CAMTA1: variants seen among roughly 807,000 people sequenced by gnomAD.
The protein encoded by CAMTA1 is calmodulin binding transcription activator 1, also known as calmodulin-binding transcription activator 1.
CAMTA1 carries 27 observed loss-of-function variants against 170.9 expected under a neutral mutation model. The ratio of observed to expected loss-of-function variants is 0.16; its 90% CI spans 0.12 to 0.22. The LOEUF (loss-of-function observed/expected upper bound fraction) is 0.22. Among genes scored for constraint, CAMTA1 ranks in the 10% least tolerant of loss-of-function variants. CAMTA1 has a pLI of 1.00. For synonymous variants in CAMTA1, 833 were observed against 891.5 expected, an observed-to-expected ratio of 0.93 and a Z score of 1.17; for missense variants, 1,619 against 2,217.2, an observed-to-expected ratio of 0.73 and a Z score of 5.42.
At chr1:7,495,211 A>T (rs1042225829) in intron 6 of CAMTA1, among the ~76,000 whole-genome samples, 1 of 152,216 alleles carries the variant, frequency 6.6e-6, no homozygotes. Flanking sequence ...CTCGTGAGAG[A>T]CGGAAGATCT....
chr1:7,087,226 C>T (rs1029904933), intron 3 of CAMTA1, among the ~76,000 whole-genome samples: 3 of 152,198 alleles, frequency 2.0e-5, no homozygotes, highest in Non-Finnish European at 2.9e-5. Context: ...CAACTCCTTC[C>T]CCTCGTCGGC....
chr1:7,127,412 G>A (rs964029451), intron 4 of CAMTA1, among the ~76,000 whole-genome samples: 5 of 151,954 alleles, frequency 3.3e-5, no homozygotes, highest in Non-Finnish European at 5.9e-5. Flanking sequence ...TTTCCAGGCT[G>A]TCTCTTCATC....
Position 7,746,031 on chromosome 1 carries a change from TGAACAGAGA to T in CAMTA1, c.4562_4570del (p.Gln1521_Glu1523del). ...TTGCTCAGCTCACTCTGTCTGATCA[TGAACAGAGA>T]GAACTCTATGAGGCTGCCAGGCTTG... On this transcript the variant is annotated inframe_deletion, in exon 18 of 23. Transcript: ENST00000303635. 1 of 1,614,070 alleles carries T rather than the reference TGAACAGAGA, an allele frequency of 6.2e-7. No individual in the cohort carries two copies. The highest frequency in any genetic ancestry group is 8.5e-7 in the Non-Finnish European group (1 of 1,179,922).
At chr1:7,545,997 C>T (rs1575937039) in intron 6 of CAMTA1, among the ~76,000 whole-genome samples, 1 of 151,320 alleles carries the variant, frequency 6.6e-6, no homozygotes, top group South Asian at 2.1e-4. Flanking sequence ...GCTCTGTCGC[C>T]CAGGCTGGAG....
At chr1:7,448,539 T>C (rs747081466) in intron 5 of CAMTA1, among the ~76,000 whole-genome samples, 12 of 152,230 alleles carry the variant, frequency 7.9e-5, no homozygotes, top group Non-Finnish European at 1.2e-4. Context: ...TCTGGGCTGC[T>C]ATAACACAAT....
At chr1:7,577,535 CTT>C (rs1377375280) in intron 6 of CAMTA1, among the ~76,000 whole-genome samples, 4 of 151,838 alleles carry the variant, frequency 2.6e-5, no homozygotes, top group Admixed American at 2.6e-4. Context: ...TGCCCAGGGA[CTT>C]TGTTTTGGAG....
At chr1:7,180,093 G>A (rs1002521464) in intron 4 of CAMTA1, among the ~76,000 whole-genome samples, 8 of 152,158 alleles carry the variant, frequency 5.3e-5, no homozygotes, top group African/African-American at 1.7e-4. Flanking sequence ...TAGGCCGGGT[G>A]CGGTGGCTCA....
intron 5 of CAMTA1, among the ~76,000 whole-genome samples, chr1:7,430,211 G>C (rs569766481): frequency 6.6e-6 from 1 of 151,560 alleles, no homozygotes; most frequent in Non-Finnish European, 1.5e-5. Context: ...CATGGATGAT[G>C]GTGATTATGG....
At chr1:7,502,674 G>A (rs1208995418) in intron 6 of CAMTA1, among the ~76,000 whole-genome samples, 1 of 152,204 alleles carries the variant, frequency 6.6e-6, no homozygotes, top group Admixed American at 6.5e-5. Flanking sequence ...AAGCCCCAGG[G>A]CTCTGGAATC....
intron 5 of CAMTA1, among the ~76,000 whole-genome samples, chr1:7,313,357 C>G (rs1574613065): frequency 6.6e-6 from 1 of 152,310 alleles, no homozygotes; most frequent in East Asian, 1.9e-4. Context: ...GTCTATGAAT[C>G]CTGTTTTCAT....
rs968318974 is a variant in CAMTA1, at chr1:6,918,661, G to T, written c.234+93451G>T. Among the ~76,000 whole-genome samples the T allele has an allele frequency of 5.3e-5, 8 of 152,224 alleles. No homozygotes were observed. Among genetic ancestry groups the T allele is most frequent in the African/African-American group, 1.9e-4 (8 of 41,462 alleles). On this transcript the variant is annotated intron_variant, in intron 3 of 22. Transcript: ENST00000303635. The surrounding 1 kb of genome is among the most constrained non-coding windows in gnomAD (Gnocchi z 4.0). Reference sequence around the variant, plus strand: ...CCCCGTGGGCCTCAGGCCCAGGATCGCTGCACATCTCTGCCCATGACAGGA... The same window carrying T: ...CCCCGTGGGCCTCAGGCCCAGGATCTCTGCACATCTCTGCCCATGACAGGA...
At position 7,101,661 on chromosome 1, in the gene CAMTA1, TACAC is replaced by T. The variant is rs140391480; in HGVS notation, c.302+10296_302+10299del. 1.7e-4 allele frequency among the ~76,000 whole-genome samples: 26 copies of T among 152,314 alleles called. 1 individual carries two copies. The highest frequency in any genetic ancestry group is 1.4e-3 in the East Asian group (7 of 5,184). ...GTGAGCTTACACACATGTATGCACA[TACAC>T]ACACAGCACACATGTAGACACATAT... On this transcript the variant is annotated intron_variant, in intron 4 of 22. Transcript: ENST00000303635.
intron 3 of CAMTA1, among the ~76,000 whole-genome samples, chr1:6,843,279 C>A (rs1407256864): frequency 6.6e-6 from 1 of 152,152 alleles, no homozygotes; most frequent in Non-Finnish European, 1.5e-5. Flanking sequence ...GCTTAAGGTT[C>A]TTAGATGTCC....
intron 7 of CAMTA1, among the ~76,000 whole-genome samples, chr1:7,654,901 T>C (rs1182719668): frequency 7.6e-6 from 1 of 131,748 alleles, no homozygotes; most frequent in African/African-American, 3.0e-5. Context: ...AATACATCTA[T>C]ACACCCACAA....
At chr1:6,850,050 A>G (rs1659800819) in intron 3 of CAMTA1, among the ~76,000 whole-genome samples, 1 of 151,912 alleles carries the variant, frequency 6.6e-6, no homozygotes, top group South Asian at 2.1e-4. Context: ...AAAAAAAAAA[A>G]AAAAAAGTTA....
At chr1:6,972,157 G>T (rs1692657457) in intron 3 of CAMTA1, among the ~76,000 whole-genome samples, 1 of 152,294 alleles carries the variant, frequency 6.6e-6, no homozygotes. Flanking sequence ...AGGCAGGGGG[G>T]TTATTGTGCA....
At chr1:7,140,612 C>T (rs940145162) in intron 4 of CAMTA1, among the ~76,000 whole-genome samples, 19 of 152,202 alleles carry the variant, frequency 1.2e-4, no homozygotes, top group Admixed American at 1.1e-3. Flanking sequence ...GCATCATCTA[C>T]TGTTTGTCAA....
rs946529009 is a variant in CAMTA1, at chr1:7,234,571, A to G, written c.303-14920A>G. Among the ~76,000 whole-genome samples the G allele has an allele frequency of 6.6e-6, 1 of 152,220 alleles. No homozygotes were observed. Among genetic ancestry groups the G allele is most frequent in the Non-Finnish European group, 1.5e-5 (1 of 68,034 alleles). On this transcript the variant is annotated intron_variant, in intron 4 of 22. Coordinates refer to ENST00000303635, the MANE Select transcript of CAMTA1 (RefSeq NM_015215.4). This position sits in a 1 kb window ranked among gnomAD's most constrained non-coding sequence, Gnocchi z 5.0. ...CTGCTCAGTAAATATTAACTGAACA[A>G]ATCAGTGAACGTCAGCGTAGAGTTT...
chr1:7,235,773 G>A (rs930041272), intron 4 of CAMTA1, among the ~76,000 whole-genome samples: 1 of 152,192 alleles, frequency 6.6e-6, no homozygotes, highest in Admixed American at 6.5e-5. Context: ...CTTTTAGGCC[G>A]ACAAATCTAT....
Sources: gnomAD v4.1 joint callset for allele counts (sites outside exome capture counted in the v4.1 genomes callset) on GRCh38, gnomAD v4.1.1 for gene constraint, Gnocchi (gnomAD v3.1) non-coding constraint, MANE v1.5 for transcripts, NCBI Gene and HGNC (gene_info 2026-07-23, HGNC 2026-07-21) for gene names.